Variants in MPDZ observed in about 807,000 individuals in gnomAD.
MPDZ encodes the protein multiple PDZ domain crumbs cell polarity complex component.
Under a neutral mutation model 239.1 loss-of-function variants are expected in MPDZ, and 234 were observed. The ratio of observed to expected loss-of-function variants is 0.98; its 90% CI spans 0.88 to 1.09. The LOEUF (loss-of-function observed/expected upper bound fraction) is 1.09, where lower values mean the gene tolerates loss of function less well. Ranked by LOEUF, MPDZ falls within the 50% of genes least tolerant of loss-of-function variation. The probability of loss-of-function intolerance (pLI) is 0.00; values close to 1 mark genes in which losing one functional copy is unlikely to be tolerated. For missense variants in MPDZ, 3,175 were observed against 2,510.0 expected (o/e 1.26, Z -5.66); for synonymous variants, 1,048 against 881.3 (o/e 1.19, Z -3.35).
chr9:13,237,165 A>G (rs922331344), intron 3 of MPDZ, among the ~76,000 whole-genome samples: 4 of 151,994 alleles, frequency 2.6e-5, no homozygotes, highest in Admixed American at 6.6e-5. Flanking sequence ...TAAGCAGGCC[A>G]GGAGCGGTGG....
At chr9:13,186,721 T>G (rs533423576) in intron 17 of MPDZ, among the ~76,000 whole-genome samples, 1 of 152,232 alleles carries the variant, frequency 6.6e-6, no homozygotes, top group Admixed American at 6.5e-5. Context: ...CGGTTATTTT[T>G]ATCTGCAAAA....
intron 34 of MPDZ, among the ~76,000 whole-genome samples, 159 bp downstream of exon 34, chr9:13,126,356 GA>G (rs1387224654): frequency 6.6e-6 from 1 of 152,168 alleles, no homozygotes; most frequent in Non-Finnish European, 1.5e-5. Context: ...TGGAAAATAA[GA>G]AATAGAAATT....
At chr9:13,223,064 G>A (rs921621152) in intron 5 of MPDZ, among the ~76,000 whole-genome samples, 1 of 152,058 alleles carries the variant, frequency 6.6e-6, no homozygotes, top group African/African-American at 2.4e-5. Flanking sequence ...ATAAGTTAAA[G>A]ATGATTTAAA....
chr9:13,188,378 C>T (rs984301872), intron 17 of MPDZ, among the ~76,000 whole-genome samples: 1 of 151,890 alleles, frequency 6.6e-6, no homozygotes, highest in Non-Finnish European at 1.5e-5. Flanking sequence ...ATTAGCCAGG[C>T]ATGGTCGTGG....
intron 10 of MPDZ, among the ~76,000 whole-genome samples, chr9:13,209,227 T>C (rs1408835862): frequency 6.6e-6 from 1 of 152,194 alleles, no homozygotes; most frequent in Non-Finnish European, 1.5e-5. Context: ...CTGGGTTGCA[T>C]GTAATAGCAC....
chr9:13,166,615 G>A (rs965721482), intron 22 of MPDZ, among the ~76,000 whole-genome samples: 1 of 151,968 alleles, frequency 6.6e-6, no homozygotes, highest in African/African-American at 2.4e-5. Flanking sequence ...AAGGTTGTAC[G>A]ATTTTTCTTC....
chr9:13,192,806 G>C (rs1955115501), intron 14 of MPDZ, among the ~76,000 whole-genome samples: 1 of 152,044 alleles, frequency 6.6e-6, no homozygotes, highest in Admixed American at 6.6e-5. Flanking sequence ...ATGAGAACTG[G>C]ATGAATTGGG....
chr9:13,129,378 G>T (rs557724616), intron 32 of MPDZ, among the ~76,000 whole-genome samples: 2 of 143,804 alleles, frequency 1.4e-5, no homozygotes, highest in African/African-American at 5.7e-5. Context: ...CAGGAGAATC[G>T]CTTGAACCCG....
intron 26 of MPDZ, among the ~76,000 whole-genome samples, chr9:13,146,716 G>A (rs573372212): frequency 6.6e-6 from 1 of 151,940 alleles, no homozygotes; most frequent in South Asian, 2.1e-4. Flanking sequence ...AGGGGTATGT[G>A]AATCCAAAAT....
intron 22 of MPDZ, among the ~76,000 whole-genome samples, chr9:13,165,771 T>C (rs992591555): frequency 9.9e-5 from 15 of 152,126 alleles, no homozygotes; most frequent in African/African-American, 3.6e-4. Flanking sequence ...CTGGCTATTA[T>C]TACAGAAATA....
At chr9:13,235,678 A>G (rs1302000908) in intron 3 of MPDZ, among the ~76,000 whole-genome samples, 1 of 152,192 alleles carries the variant, frequency 6.6e-6, no homozygotes, top group Non-Finnish European at 1.5e-5. Context: ...AATTTAGAAA[A>G]TAAGTCCTTA....
At chr9:13,268,558 G>A (rs1227399026) in intron 1 of MPDZ, among the ~76,000 whole-genome samples, 2 of 152,206 alleles carry the variant, frequency 1.3e-5, no homozygotes, top group South Asian at 2.1e-4. Context: ...ATACGGCAAC[G>A]TGATAGGTAA....
rs887767830 is a variant in MPDZ at position 13,162,832 on chromosome 9, T to C, written c.3255-37A>G. On this transcript the variant is annotated intron_variant, in intron 22 of 46. Coordinates refer to ENST00000319217, the MANE Select transcript of MPDZ (RefSeq NM_001378778.1). ...CAGAATCCATGGAAGTGAAGGGAAA[T>C]AATATTTTGCCTAATTGTTAGGAAA... is the stretch of plus-strand genomic sequence containing the variant. 4 of 1,436,208 alleles carry C rather than the reference T, an allele frequency of 2.8e-6. No individual in the cohort carries two copies. The African/African-American group carries it at 4.2e-5, about 15-fold the overall frequency. The allele number at this position is 1,436,208 out of a possible 1,614,324, so 89.0% of individuals were successfully genotyped here. A position where few individuals can be genotyped will look rare whatever the true frequency, so the allele number is the denominator to read the frequency against.
At chr9:13,151,342 A>C (rs1949142889) in intron 24 of MPDZ, among the ~76,000 whole-genome samples, 1 of 152,174 alleles carries the variant, frequency 6.6e-6, no homozygotes, top group Admixed American at 6.6e-5. Context: ...GCAGGATCTC[A>C]AAGAAATATT....
At chr9:13,147,313 C>G (rs1455957268) in intron 26 of MPDZ, among the ~76,000 whole-genome samples, 1 of 152,106 alleles carries the variant, frequency 6.6e-6, no homozygotes, top group African/African-American at 2.4e-5. Flanking sequence ...CCTAGAGATA[C>G]TGATAAATCT....
At chr9:13,147,975 TATATG>T (rs1277523639) in intron 25 of MPDZ, among the ~76,000 whole-genome samples, 4 of 152,014 alleles carry the variant, frequency 2.6e-5, no homozygotes, top group Admixed American at 6.6e-5. Flanking sequence ...TTAACAAAAT[TATATG>T]AGGGAACTAT....
At chr9:13,222,141 T>G (rs1318259187) in intron 6 of MPDZ, 92 bp downstream of exon 6, 19 of 991,726 alleles carry the variant, frequency 1.9e-5, no homozygotes, top group Admixed American at 5.8e-5. Flanking sequence ...ACTCAAGAAG[T>G]GCAAAGACCC....
At chr9:13,196,617 A>G (rs1023609647) in intron 12 of MPDZ, among the ~76,000 whole-genome samples, 1 of 152,230 alleles carries the variant, frequency 6.6e-6, no homozygotes, top group African/African-American at 2.4e-5. Context: ...CATCAGGGGA[A>G]AAAAGGACTA....
intron 26 of MPDZ, among the ~76,000 whole-genome samples, chr9:13,146,955 T>C (rs1378057859): frequency 6.6e-6 from 1 of 152,038 alleles, no homozygotes; most frequent in Non-Finnish European, 1.5e-5. Flanking sequence ...AACGGGTTGG[T>C]AGGTTTCTGT....
Sources: gnomAD v4.1 joint callset for allele counts (sites outside exome capture counted in the v4.1 genomes callset) on GRCh38, gnomAD v4.1.1 for gene constraint, MANE v1.5 for transcripts, NCBI Gene and HGNC (gene_info 2026-07-23, HGNC 2026-07-21) for gene names.